Variants in PIK3C2G observed in about 807,000 individuals in gnomAD.
PIK3C2G encodes the protein phosphatidylinositol 3-kinase C2 domain-containing subunit gamma.
In PIK3C2G, 168 loss-of-function variants were observed where a neutral mutation model predicts 181.1. The observed-to-expected ratio is 0.93, with a 90% CI of 0.82 to 1.05. PIK3C2G has a LOEUF of 1.05. PIK3C2G is among the 50% of genes least tolerant of loss of function. The probability of loss-of-function intolerance (pLI) is 0.00; values close to 1 mark genes in which losing one functional copy is unlikely to be tolerated. For synonymous variants in PIK3C2G, 573 were observed against 592.2 expected (o/e 0.97, Z 0.47); for missense variants, 1,869 against 1,732.8 (o/e 1.08, Z -1.40).
In PIK3C2G at chr12:18,488,565, A is replaced by C; in HGVS notation, c.2621A>C (p.Lys874Thr). 2 of 1,580,868 alleles carry C rather than the reference A, an allele frequency of 1.3e-6. No individual in the cohort carries two copies. The highest frequency in any genetic ancestry group is 1.8e-5 in the Admixed American group (1 of 56,426). ...AATGATGAGTTTTCCAAGGAGCAGA[A>C]ACTTATCAAAATTCTGGGAGATATT... ...ALNDEFSKEQ[K>T]LIKILGDIGE... The change falls in exon 19 of 33, where the codon AAA (lysine) becomes ACA (threonine). Residue 874 changes from lysine to threonine, a missense_variant. By Grantham distance (78) the Lys-to-Thr change is moderately conservative. Coordinates refer to ENST00000538779, the MANE Select transcript of PIK3C2G (RefSeq NM_001288772.2).
intron 18 of PIK3C2G, among the ~76,000 whole-genome samples, chr12:18,487,974 A>G (rs888359393): frequency 6.6e-6 from 1 of 152,132 alleles, no homozygotes; most frequent in Non-Finnish European, 1.5e-5. Context: ...CAGGTAGTCC[A>G]GGGGAGGTGC....
intron 1 of PIK3C2G, among the ~76,000 whole-genome samples, chr12:18,275,434 T>G (rs954019840): frequency 6.6e-6 from 1 of 152,164 alleles, no homozygotes; most frequent in Non-Finnish European, 1.5e-5. Context: ...CAGGCCGGAG[T>G]GCAGTGACAT....
chr12:18,671,320 T>C, the PIK3C2G span, among the ~76,000 whole-genome samples: 3 of 150,276 alleles, frequency 2.0e-5, no homozygotes, highest in East Asian at 5.8e-4. Flanking sequence ...GATATTGGGA[T>C]TTTTTTTTAT....
At chr12:18,416,545 G>T (rs563105880) in intron 16 of PIK3C2G, among the ~76,000 whole-genome samples, 2 of 152,286 alleles carry the variant, frequency 1.3e-5, no homozygotes, top group East Asian at 3.9e-4. Context: ...TGCAGCTGGC[G>T]ATTTTAAATT....
In PIK3C2G at chr12:18,496,089, T is replaced by C; in HGVS notation, c.2821T>C (p.Leu941=). The C allele has an allele frequency of 1.3e-6, 2 of 1,537,132 alleles. No homozygotes were observed. Among genetic ancestry groups the C allele is most frequent in the Non-Finnish European group, 1.8e-6 (2 of 1,138,276 alleles). Residue 941 remains leucine (L), a synonymous_variant, in exon 21 of 33, where the codon TTG becomes CTG. Coordinates refer to ENST00000538779, the MANE Select transcript of PIK3C2G (RefSeq NM_001288772.2). ...ATGTTCATATTTTACATCTAATGCTTTGCCATTGAAGATTACTTTCATCAA... is the reference window on the plus strand; with the variant it reads ...ATGTTCATATTTTACATCTAATGCTCTGCCATTGAAGATTACTTTCATCAA... ...DACSYFTSNA[L]PLKITFINAN...
intron 1 of PIK3C2G, among the ~76,000 whole-genome samples, chr12:18,275,316 G>A (rs1034351534): frequency 5.9e-5 from 9 of 152,084 alleles, no homozygotes; most frequent in Non-Finnish European, 1.3e-4. Flanking sequence ...GCCTTCTCAT[G>A]TCTTCACCTT....
chr12:18,692,343 C>A, the PIK3C2G span, among the ~76,000 whole-genome samples: 2 of 152,042 alleles, frequency 1.3e-5, no homozygotes, highest in African/African-American at 4.8e-5. Context: ...AATAGAACTG[C>A]TCATAAGTAA....
the PIK3C2G span, among the ~76,000 whole-genome samples, chr12:18,723,773 G>C: frequency 4.6e-5 from 7 of 152,046 alleles, no homozygotes; most frequent in Admixed American, 2.0e-4. Context: ...AAGGAATGTG[G>C]GAGAAAATGA....
chr12:18,412,934 T>A (rs1944953869), intron 16 of PIK3C2G, among the ~76,000 whole-genome samples: 1 of 152,158 alleles, frequency 6.6e-6, no homozygotes. Flanking sequence ...CCCTCCATTT[T>A]GTGTTTTACC....
rs1023048526 is a variant in PIK3C2G at position 18,521,349 on chromosome 12, G to A, written c.3323+15888G>A. Among the ~76,000 whole-genome samples the A allele has an allele frequency of 4.6e-4, 70 of 152,218 alleles. 1 individual carries two copies. Among genetic ancestry groups the A allele is most frequent in the African/African-American group, 1.6e-3 (65 of 41,466 alleles). ...GCCCAATTCTTCAGAACTAGCAGGA[G>A]GAAAGACTAGGTCTGCTGGCCTGCC... On this transcript the variant is annotated intron_variant, in intron 24 of 32. Transcript: ENST00000538779.
At chr12:18,546,242 G>C in intron 25 of PIK3C2G, 81 bp from the exon 26 acceptor site, 1 of 846,792 alleles carries the variant, frequency 1.2e-6, no homozygotes, top group Non-Finnish European at 1.9e-6. Flanking sequence ...ATGTCTCTGG[G>C]TAGAATTAAT....
chr12:18,342,377 A>G (rs189405858), intron 9 of PIK3C2G, among the ~76,000 whole-genome samples: 45 of 152,198 alleles, frequency 3.0e-4, no homozygotes, highest in African/African-American at 1.1e-3. Flanking sequence ...CTCTCTCTAA[A>G]GGAATACTGT....
At chr12:18,288,829 A>G (rs1410927408) in intron 3 of PIK3C2G, among the ~76,000 whole-genome samples, 1 of 152,190 alleles carries the variant, frequency 6.6e-6, no homozygotes, top group Non-Finnish European at 1.5e-5. Flanking sequence ...TTATTCTTGG[A>G]TGAAATATTT....
chr12:18,312,720 G>A (rs544797587), intron 5 of PIK3C2G, among the ~76,000 whole-genome samples: 83 of 152,268 alleles, frequency 5.5e-4, no homozygotes, highest in Middle Eastern at 3.4e-3. Context: ...TAGACTAACA[G>A]TTGGGATAGG....
downstream of PIK3C2G, among the ~76,000 whole-genome samples, chr12:18,652,624 G>C (rs10743280): frequency 0.58 from 88,762 of 151,858 alleles, 26,773 homozygotes; most frequent in East Asian, 0.91. Context: ...TTGGCACAAT[G>C]TTTTTTAAAA....
chr12:18,701,673 T>A, the PIK3C2G span: 1 of 1,611,750 alleles, frequency 6.2e-7, no homozygotes, highest in Non-Finnish European at 8.5e-7. Flanking sequence ...CACTTCTTCT[T>A]CCCATTCCTC....
chr12:18,424,958 T>A (rs368014025), intron 18 of PIK3C2G: 17 of 198,738 alleles, frequency 8.6e-5, no homozygotes, highest in African/African-American at 4.0e-4. Flanking sequence ...GTCTATAGTA[T>A]GATTGGAAAT....
rs1939559131 is a variant in PIK3C2G at position 18,481,506 on chromosome 12, G to T, written c.2505-6943G>T. Among the ~76,000 whole-genome samples, 3 of 152,200 alleles carry T rather than the reference G, an allele frequency of 2.0e-5. No individual in the cohort carries two copies. In the East Asian group the frequency reaches 5.8e-4, roughly 29 times the overall value. Reference sequence around the variant, plus strand: ...TTTACACAAACAGATACCATCTATAGCTAATTTTAAGCTTATCATTAAATA... The same window carrying T: ...TTTACACAAACAGATACCATCTATATCTAATTTTAAGCTTATCATTAAATA... On this transcript the variant is annotated intron_variant, in intron 18 of 32. Coordinates refer to ENST00000538779, the MANE Select transcript of PIK3C2G (RefSeq NM_001288772.2).
chr12:18,691,547 A>C, the PIK3C2G span, among the ~76,000 whole-genome samples: 7 of 152,158 alleles, frequency 4.6e-5, no homozygotes, highest in Admixed American at 1.3e-4. Context: ...GCCACAAGTA[A>C]AAATGACAAT....
Sources: gnomAD v4.1 joint callset for allele counts (sites outside exome capture counted in the v4.1 genomes callset) on GRCh38, gnomAD v4.1.1 for gene constraint, MANE v1.5 for transcripts, NCBI Gene and HGNC (gene_info 2026-07-23, HGNC 2026-07-21) for gene names.